The following PRR36 variants were observed in gnomAD, a reference collection of about 807,000 sequenced individuals.
PRR36 encodes proline-rich protein 36.
In PRR36, 30 loss-of-function variants were observed where a neutral mutation model predicts 58.6. The observed-to-expected ratio is 0.51, with a 90% CI of 0.38 to 0.69. PRR36 has a LOEUF of 0.69. PRR36 is among the 30% of genes least tolerant of loss of function. The pLI is 0.00. For synonymous variants in PRR36, 771 were observed against 829.3 expected (o/e 0.93, Z 1.21); for missense variants, 1,692 against 1,805.6 (o/e 0.94, Z 1.14).
At position 7,870,613 on chromosome 19, in the gene PRR36, A is replaced by G; in HGVS notation, c.2631T>C (p.Ala877=). 7 of 1,173,828 alleles carry G rather than the reference A, an allele frequency of 6.0e-6. No individual in the cohort carries two copies. Among genetic ancestry groups the G allele is most frequent in the Non-Finnish European group, 7.4e-6 (7 of 950,946 alleles). 72.7% of individuals were successfully genotyped at this position (1,173,828 alleles called of 1,614,324 possible). The change falls in exon 5 of 6, where the codon GCT becomes GCC. Residue 877 remains alanine (A), a synonymous_variant. Coordinates refer to ENST00000618550, the MANE Select transcript of PRR36 (RefSeq NM_001190467.2). ...GGGCCTGCAGAAGGTGCACTGCCAG[A>G]GCATTTGGGGCCTGTGGAGAGGGTG... ...LATPSPQAPN[A]LAVHLLQAPF... is the part of the protein sequence containing the mutation.
chr19:7,869,819 C>T lies in PRR36; in HGVS notation c.3425G>A (p.Gly1142Asp). 1.5e-6 allele frequency: 2 copies of T among 1,351,810 alleles called. No homozygotes were observed. The highest frequency in any genetic ancestry group is 1.9e-6 in the Non-Finnish European group (2 of 1,058,944). 83.7% of individuals were successfully genotyped at this position (1,351,810 alleles called of 1,614,324 possible). A position where few individuals can be genotyped will look rare whatever the true frequency, so the allele number is the denominator to read the frequency against. ...GGGGGGCGGGGAGGCTGCGGCACCGCCCTCGGGCCCGCTGTCGTAGCCACG... is the reference window on the plus strand; with the variant it reads ...GGGGGGCGGGGAGGCTGCGGCACCGTCCTCGGGCCCGCTGTCGTAGCCACG... Reference protein sequence around the residue: ...ELRGYDSGPEGGAAASPPPDA... With the variant: ...ELRGYDSGPEDGAAASPPPDA... Residue 1142 changes from glycine (G) to aspartate (D), a missense_variant, in exon 5 of 6, where the codon GGC becomes GAC. Coordinates refer to ENST00000618550, the MANE Select transcript of PRR36 (RefSeq NM_001190467.2).
At position 7,871,166 on chromosome 19, in the gene PRR36, G is replaced by A. The variant is rs1974999024; in HGVS notation, c.2078C>T (p.Ser693Phe). The change falls in exon 5 of 6, where the codon TCT becomes TTT. Residue 693 changes from serine to phenylalanine, a missense_variant. Around this residue, in one of 5 missense-constraint regions of PRR36, gnomAD observed 975 missense variants for 955.2 expected, o/e 1.02. Coordinates refer to ENST00000618550, the MANE Select transcript of PRR36 (RefSeq NM_001190467.2). ...LTIHPLQALS[S>F]LASHSPQAPL... ...TGCCTGAGGAGAGTGGGAGGCCAGAGAAGATAGCGCCTGCAGAGGGTGTAT... is the reference window on the plus strand; with the variant it reads ...TGCCTGAGGAGAGTGGGAGGCCAGAAAAGATAGCGCCTGCAGAGGGTGTAT... 6.5e-7 allele frequency: 1 copy of A among 1,535,472 alleles called. No individual in the cohort carries two copies. Among genetic ancestry groups the A allele is most frequent in the Non-Finnish European group, 8.7e-7 (1 of 1,146,702 alleles).
chr19:7,871,032 G>A lies in PRR36; in HGVS notation c.2212C>T (p.Pro738Ser), dbSNP rs78372207. 1 of 1,454,426 alleles carries A rather than the reference G, an allele frequency of 6.9e-7. No individual in the cohort carries two copies. Among genetic ancestry groups the A allele is most frequent in the South Asian group, 1.4e-5 (1 of 70,196 alleles). The allele number at this position is 1,454,426 out of a possible 1,614,324, so 90.1% of individuals were successfully genotyped here. A position where few individuals can be genotyped will look rare whatever the true frequency, so the allele number is the denominator to read the frequency against. The change falls in exon 5 of 6, where the codon CCT (proline) becomes TCT (serine). Residue 738 changes from proline (P) to serine (S), a missense_variant. Around this residue, in one of 5 missense-constraint regions of PRR36, gnomAD observed 38 missense variants for 100.7 expected, o/e 0.38. Transcript: ENST00000618550. ...SLTTPPLENL[P>S]SLAPPPLQTA... is the part of the protein sequence containing the mutation. ...TGCAGAGGAGGCGGGGCTAGAGAAG[G>A]TAGGTTCTCCAGAGGGGGTGTGGTC...
chr19:7,872,229 G>C lies in PRR36; in HGVS notation c.1015C>G (p.Pro339Ala), dbSNP rs920577100. 133 of 1,457,738 alleles carry C rather than the reference G, an allele frequency of 9.1e-5. No homozygotes were observed. The highest frequency in any genetic ancestry group is 1.8e-4 in the Middle Eastern group (1 of 5,584). 90.3% of individuals were successfully genotyped at this position (1,457,738 alleles called of 1,614,324 possible). The part of the protein sequence containing the change: ...ATLPPSPPVT[P>A]PPPAALQSQA... ...CTTTGGAGAGCGGCTGGCGGAGGGG[G>C]CGTTACCGGTGGAGAGGGAGGGAGC... The change falls in exon 5 of 6, where the codon CCC becomes GCC. Residue 339 changes from proline to alanine, a missense_variant. Around this residue, in one of 5 missense-constraint regions of PRR36, gnomAD observed 975 missense variants for 955.2 expected, o/e 1.02. Coordinates refer to ENST00000618550, the MANE Select transcript of PRR36 (RefSeq NM_001190467.2). The surrounding 1 kb of genome is among the most constrained non-coding windows in gnomAD (Gnocchi z 6.1).
Position 7,869,908 on chromosome 19 carries a change from G to A in PRR36, c.3336C>T (p.Ser1112=). The change falls in exon 5 of 6, where the codon AGC becomes AGT. Residue 1112 remains serine (S), a synonymous_variant. Transcript: ENST00000618550. ...PPPPPSRSPS[S]TLSGPDLAGH... ...CGGCCAGGTCTGGGCCGCTCAGCGT[G>A]CTGGACGGGCTGCGCGAGGGCGGCG... is the stretch of plus-strand genomic sequence containing the variant. The A allele has an allele frequency of 7.3e-7, 1 of 1,364,124 alleles. No homozygotes were observed. Among genetic ancestry groups the A allele is most frequent in the Non-Finnish European group, 9.4e-7 (1 of 1,065,734 alleles). 84.5% of individuals were successfully genotyped at this position (1,364,124 alleles called of 1,614,324 possible). A position where few individuals can be genotyped will look rare whatever the true frequency, so the allele number is the denominator to read the frequency against.
Position 7,872,857 on chromosome 19 carries a change from G to T in PRR36, c.479C>A (p.Ala160Glu). 6.5e-7 allele frequency: 1 copy of T among 1,535,824 alleles called. No homozygotes were observed. The highest frequency in any genetic ancestry group is 2.0e-5 in the Admixed American group (1 of 50,958). Reference sequence around the variant, plus strand: ...TTCTCCAGGTCACGTACCTCTCCGTGCCCCAGCGCTGAGGGCACTCCTTTT... The same window carrying T: ...TTCTCCAGGTCACGTACCTCTCCGTTCCCCAGCGCTGAGGGCACTCCTTTT... Reference protein sequence around the residue: ...APKRSALSAGARRDTSGPTPG... With the variant: ...APKRSALSAGERRDTSGPTPG... The change falls in exon 4 of 6, where the codon GCA (alanine) becomes GAA (glutamate). Residue 160 changes from alanine (A) to glutamate (E), a missense_variant. Physicochemically the swap from Ala to Glu is moderately radical, Grantham distance 107 (BLOSUM62 -1). Coordinates refer to ENST00000618550, the MANE Select transcript of PRR36 (RefSeq NM_001190467.2). The surrounding 1 kb of genome is among the most constrained non-coding windows in gnomAD (Gnocchi z 6.1).
rs1047979510 is a variant in PRR36, at chr19:7,871,750, C to A, written c.1494G>T (p.Gln498His). ...GLSALTTPPP[Q>H]ASPSPSPPSL... ...AGGGCGGAGACGGGGAAGGACTGGC[C>A]TGCGGAGGGGGCGTGGTCAGAGCAG... The change falls in exon 5 of 6, where the codon CAG (glutamine) becomes CAT (histidine). Residue 498 changes from glutamine to histidine, a missense_variant. Gln to His is a conservative substitution (Grantham distance 24). Around this residue, in one of 5 missense-constraint regions of PRR36, gnomAD observed 975 missense variants for 955.2 expected, o/e 1.02. Coordinates refer to ENST00000618550, the MANE Select transcript of PRR36 (RefSeq NM_001190467.2). The A allele has an allele frequency of 1.3e-6, 2 of 1,535,392 alleles. No homozygotes were observed.
chr19:7,871,069 A>C lies in PRR36; in HGVS notation c.2175T>G (p.Pro725=), dbSNP rs1980414214. Residue 725 remains proline (P), a synonymous_variant, in exon 5 of 6, where the codon CCT becomes CCG. Coordinates refer to ENST00000618550, the MANE Select transcript of PRR36 (RefSeq NM_001190467.2). The part of the protein sequence containing the change: ...SSLAPPSLQT[P]PASLTTPPLE... ...GAGGGGGTGTGGTCAGGGAAGCAGG[A>C]GGTGTCTGCAGAGAGGGTGGGGCTA... 2.0e-6 allele frequency: 3 copies of C among 1,517,872 alleles called. No homozygotes were observed. Among genetic ancestry groups the C allele is most frequent in the Non-Finnish European group, 2.6e-6 (3 of 1,139,000 alleles). The allele number at this position is 1,517,872 out of a possible 1,614,324, so 94.0% of individuals were successfully genotyped here. A position where few individuals can be genotyped will look rare whatever the true frequency, so the allele number is the denominator to read the frequency against.
chr19:7,869,764 A>G lies in PRR36; in HGVS notation c.3480T>C (p.Ala1160=), dbSNP rs955006060. The G allele has an allele frequency of 1.5e-5, 21 of 1,359,646 alleles. No homozygotes were observed. Among genetic ancestry groups the G allele is most frequent in the Non-Finnish European group, 1.9e-5 (20 of 1,062,642 alleles). The allele number at this position is 1,359,646 out of a possible 1,614,324, so 84.2% of individuals were successfully genotyped here. A position where few individuals can be genotyped will look rare whatever the true frequency, so the allele number is the denominator to read the frequency against. The change falls in exon 5 of 6, where the codon GCT becomes GCC. Residue 1160 remains alanine, a synonymous_variant. Transcript: ENST00000618550. Reference sequence around the variant, plus strand: ...GCGGAGCGGGGCCTCGACTCCAGGCAGCCGGGTGGCAAGCGGCGAGCTCTG... The same window carrying G: ...GCGGAGCGGGGCCTCGACTCCAGGCGGCCGGGTGGCAAGCGGCGAGCTCTG... ...PDAELAACHP[A]AWSRGPAPPL...
At position 7,873,303 on chromosome 19, in the gene PRR36, C is replaced by A; in HGVS notation, c.272-4G>T. The A allele has an allele frequency of 6.5e-7, 1 of 1,529,048 alleles. No individual in the cohort carries two copies. Among genetic ancestry groups the A allele is most frequent in the South Asian group, 1.2e-5 (1 of 83,414 alleles). 94.7% of individuals were successfully genotyped at this position (1,529,048 alleles called of 1,614,324 possible). A position where few individuals can be genotyped will look rare whatever the true frequency, so the allele number is the denominator to read the frequency against. On this transcript the variant is annotated splice_region_variant and splice_polypyrimidine_tract_variant and intron_variant, in intron 2 of 5. Coordinates refer to ENST00000618550, the MANE Select transcript of PRR36 (RefSeq NM_001190467.2). This position sits in a 1 kb window ranked among gnomAD's most constrained non-coding sequence, Gnocchi z 5.0. ...CCAGAGGCTGGGGGCCTGGAGGCTG[C>A]GGGGAGAAGGCCGAGTCACAGGTGC...
At position 7,873,815 on chromosome 19, in the gene PRR36, C is replaced by G; in HGVS notation, c.-7-119G>C. The stretch of plus-strand genomic sequence containing the variant: ...TCGCCACCCATGGACACTCAAACCT[C>G]GGCCTCGGCTTCCATCCGCTCGGCT... On this transcript the variant is annotated intron_variant, in intron 1 of 5. Coordinates refer to ENST00000618550, the MANE Select transcript of PRR36 (RefSeq NM_001190467.2). The surrounding 1 kb of genome is among the most constrained non-coding windows in gnomAD (Gnocchi z 5.0). 2 of 1,039,170 alleles carry G rather than the reference C, an allele frequency of 1.9e-6. No individual in the cohort carries two copies. Among genetic ancestry groups the G allele is most frequent in the Non-Finnish European group, 2.7e-6 (2 of 734,994 alleles). 64.4% of individuals were successfully genotyped at this position (1,039,170 alleles called of 1,614,324 possible). A position where few individuals can be genotyped will look rare whatever the true frequency, so the allele number is the denominator to read the frequency against.
At position 7,873,475 on chromosome 19, in the gene PRR36, T is replaced by G; in HGVS notation, c.215A>C (p.Glu72Ala). ...CGTTGGTCCCGCTCGGGGAGCAGAC[T>G]CGGGAATAGTGGCCCCGCCGATGCC... ...AGGIGGATIP[E>A]SAPRAGPTRS... is the part of the protein sequence containing the mutation. Residue 72 changes from glutamate (E) to alanine (A), a missense_variant, in exon 2 of 6, where the codon GAG (glutamate) becomes GCG (alanine). This residue lies in a region of PRR36 where 975 missense variants were observed against 955.2 expected (regional missense o/e 1.02). Coordinates refer to ENST00000618550, the MANE Select transcript of PRR36 (RefSeq NM_001190467.2). The surrounding 1 kb of genome is among the most constrained non-coding windows in gnomAD (Gnocchi z 5.0). The G allele has an allele frequency of 2.6e-6, 4 of 1,535,160 alleles. No individual in the cohort carries two copies. Among genetic ancestry groups the G allele is most frequent in the South Asian group, 1.2e-5 (1 of 83,938 alleles).
Position 7,869,991 on chromosome 19 carries a change from G to T in PRR36, c.3253C>A (p.Pro1085Thr), listed in dbSNP as rs903059458. 1.4e-5 allele frequency: 19 copies of T among 1,404,678 alleles called. No individual in the cohort carries two copies. The highest frequency in any genetic ancestry group is 1.7e-5 in the Non-Finnish European group (19 of 1,086,426). 87.0% of individuals were successfully genotyped at this position (1,404,678 alleles called of 1,614,324 possible). ...CGTGGGCCCGAGACGGAGGTATCCG[G>T]ACCCGGGGTCGGGGGGCGGCGTGGG... is the stretch of plus-strand genomic sequence containing the variant. ...QAPRRPPTPG[P>T]DTSVSGPRLT... Residue 1085 changes from proline (P) to threonine (T), a missense_variant, in exon 5 of 6, where the codon CCG becomes ACG. Physicochemically the swap from Pro to Thr is conservative, Grantham distance 38. Coordinates refer to ENST00000618550, the MANE Select transcript of PRR36 (RefSeq NM_001190467.2).
chr19:7,868,741 T>C lies in PRR36; in HGVS notation c.*292A>G, dbSNP rs1980216382. On this transcript the variant is annotated 3_prime_UTR_variant, in exon 6 of 6. Coordinates refer to ENST00000618550, the MANE Select transcript of PRR36 (RefSeq NM_001190467.2). ...GTGTGCAAGTCCCAGTGTCCCAGTT[T>C]TATTGCAAACTCAGGCTGTGCGGGG... is the stretch of plus-strand genomic sequence containing the variant. 1 of 343,812 alleles carries C rather than the reference T, an allele frequency of 2.9e-6. No individual in the cohort carries two copies. The highest frequency in any genetic ancestry group is 2.1e-5 in the African/African-American group (1 of 47,148). 21.3% of individuals were successfully genotyped at this position (343,812 alleles called of 1,614,324 possible).
rs747269485 is a variant in PRR36, at chr19:7,869,563, G to A, written c.3530-19C>T. On this transcript the variant is annotated intron_variant, in intron 5 of 5. Transcript: ENST00000618550. The stretch of plus-strand genomic sequence containing the variant: ...GGCGCACCTGCGGGGAGAGACGCCA[G>A]GTGGGCCGTGGGGGTGATAAGCCCC... The A allele has an allele frequency of 5.9e-6, 9 of 1,516,040 alleles. No individual in the cohort carries two copies. Among genetic ancestry groups the A allele is most frequent in the South Asian group, 4.8e-5 (4 of 82,810 alleles). 93.9% of individuals were successfully genotyped at this position (1,516,040 alleles called of 1,614,324 possible).
At chr19:7,869,636 C>T (rs1320535020) in intron 5 of PRR36, 79 bp downstream of exon 5, 20 of 1,433,670 alleles carry the variant, frequency 1.4e-5, no homozygotes, top group Non-Finnish European at 1.5e-5. Context: ...CGCCCCGGAC[C>T]CAGCTGTCCC....
Position 7,873,662 on chromosome 19 carries a change from C to A in PRR36, c.28G>T (p.Ala10Ser). 6.5e-7 allele frequency: 1 copy of A among 1,535,236 alleles called. No homozygotes were observed. The highest frequency in any genetic ancestry group is 8.7e-7 in the Non-Finnish European group (1 of 1,146,706). MDNKRDKAK[A>S]GAAARTPAAR... ...GCCGGCGTCCGCGCGGCGGCCCCTG[C>A]CTTCGCCTTGTCTCTCTTGTTGTCC... The change falls in exon 2 of 6, where the codon GCA (alanine) becomes TCA (serine). Residue 10 changes from alanine to serine, a missense_variant. Ala to Ser is a moderately conservative substitution (Grantham distance 99). Transcript: ENST00000618550. This position sits in a 1 kb window ranked among gnomAD's most constrained non-coding sequence, Gnocchi z 5.0.
In PRR36 at chr19:7,869,755, A is replaced by C. The variant is rs1031017699; in HGVS notation, c.3489T>G (p.Ser1163Arg). The change falls in exon 5 of 6, where the codon AGT (serine) becomes AGG (arginine). Residue 1163 changes from serine to arginine, a missense_variant. By Grantham distance (110) the Ser-to-Arg change is moderately radical (BLOSUM62 -1). This residue lies in a region of PRR36 where 485 missense variants were observed against 549.2 expected (regional missense o/e 0.88). Coordinates refer to ENST00000618550, the MANE Select transcript of PRR36 (RefSeq NM_001190467.2). ...ELAACHPAAWSRGPAPPLAFR... is the reference protein window; with the variant it reads ...ELAACHPAAWRRGPAPPLAFR... ...AAGCCAGCGGCGGAGCGGGGCCTCG[A>C]CTCCAGGCAGCCGGGTGGCAAGCGG... 2 of 1,356,192 alleles carry C rather than the reference A, an allele frequency of 1.5e-6. No homozygotes were observed. Among genetic ancestry groups the C allele is most frequent in the Non-Finnish European group, 9.4e-7 (1 of 1,060,010 alleles). The allele number at this position is 1,356,192 out of a possible 1,614,324, so 84.0% of individuals were successfully genotyped here. A position where few individuals can be genotyped will look rare whatever the true frequency, so the allele number is the denominator to read the frequency against.
chr19:7,873,701 A>C lies in PRR36; in HGVS notation c.-7-5T>G. ...CTCTTGTTGTCCATCTTGCACCTGA[A>C]GAGACAAACCGGTCCGCATCCCAGG... On this transcript the variant is annotated splice_polypyrimidine_tract_variant and splice_region_variant and intron_variant, in intron 1 of 5. Transcript: ENST00000618550. This position sits in a 1 kb window ranked among gnomAD's most constrained non-coding sequence, Gnocchi z 5.0. The C allele has an allele frequency of 6.5e-7, 1 of 1,533,932 alleles. No homozygotes were observed. The highest frequency in any genetic ancestry group is 8.7e-7 in the Non-Finnish European group (1 of 1,146,012).
Sources: gnomAD v4.1 joint callset for allele counts on GRCh38, gnomAD v4.1.1 for gene constraint, gnomAD v4.1.1 regional missense constraint, Gnocchi (gnomAD v3.1) non-coding constraint, MANE v1.5 for transcripts, NCBI Gene and HGNC (gene_info 2026-07-23, HGNC 2026-07-21) for gene names.